Variants in RIN3 observed in about 807,000 individuals in gnomAD.
RIN3 encodes the protein RAB5 interacting protein 3.
Under a neutral mutation model 76.3 loss-of-function variants are expected in RIN3, and 54 were observed. The ratio of observed to expected loss-of-function variants is 0.71; its 90% confidence interval spans 0.57 to 0.89. The LOEUF (loss-of-function observed/expected upper bound fraction) is 0.89. Ranked by LOEUF, RIN3 falls within the 40% of genes least tolerant of loss-of-function variation. The pLI is 0.00. For synonymous variants in RIN3, 576 were observed against 564.0 expected, an observed-to-expected ratio of 1.02 and a Z score of -0.30; for missense variants, 1,256 against 1,322.1, an observed-to-expected ratio of 0.95 and a Z score of 0.78.
At position 92,545,206 on chromosome 14, in the gene RIN3, T is replaced by C. The variant is rs143639227; in HGVS notation, c.45-10545T>C. Among the ~76,000 whole-genome samples, 2,221 of 143,668 alleles carry C rather than the reference T, an allele frequency of 0.015. 95 individuals are homozygous for C. In the East Asian group the frequency reaches 0.18, roughly 12 times the overall value. The allele number at this position is 143,668 out of a possible 152,430, so 94.3% of individuals were successfully genotyped here. A position where few individuals can be genotyped will look rare whatever the true frequency, so the allele number is the denominator to read the frequency against. On this transcript the variant is annotated intron_variant, in intron 1 of 9. Coordinates refer to ENST00000216487, the MANE Select transcript of RIN3 (RefSeq NM_024832.5). ...CTCACTGCAAGCTCCGCCTCCCGGG[T>C]TCATGCCATTCTCCTGCCTCAGCCT...
chr14:92,653,087 G>A lies in RIN3; in HGVS notation c.2026+12G>A. 6.3e-7 allele frequency: 1 copy of A among 1,590,524 alleles called. No homozygotes were observed. Reference sequence around the variant, plus strand: ...CGAGGAGGAGCTCGGTCAGTGCCCTGGGAGGAGGTGGCAGGGAGGAGAGGG... The same window carrying A: ...CGAGGAGGAGCTCGGTCAGTGCCCTAGGAGGAGGTGGCAGGGAGGAGAGGG... On this transcript the variant is annotated intron_variant, in intron 6 of 9. Coordinates refer to ENST00000216487, the MANE Select transcript of RIN3 (RefSeq NM_024832.5).
chr14:92,621,894 G>A (rs905736080), intron 4 of RIN3, among the ~76,000 whole-genome samples: 3 of 152,154 alleles, frequency 2.0e-5, no homozygotes, highest in African/African-American at 7.2e-5. Flanking sequence ...CAAGCTTACT[G>A]GTTTTACTTT....
chr14:92,579,385 A>G (rs1898367204), intron 3 of RIN3, among the ~76,000 whole-genome samples: 1 of 152,264 alleles, frequency 6.6e-6, no homozygotes. Flanking sequence ...AGTTCAGCCT[A>G]TGCCCAGGAA....
At chr14:92,575,353 G>A (rs1022577257) in intron 2 of RIN3, among the ~76,000 whole-genome samples, 22 of 152,072 alleles carry the variant, frequency 1.4e-4, no homozygotes, top group Admixed American at 1.4e-3. Context: ...GAAGGTTCTT[G>A]GATCTGACAC....
intron 3 of RIN3, among the ~76,000 whole-genome samples, chr14:92,582,442 C>CTTTTTTT (rs35072092): frequency 1.7e-5 from 2 of 117,566 alleles, no homozygotes; most frequent in Non-Finnish European, 3.4e-5. Flanking sequence ...TCCTTTTTTA[C>CTTTTTTT]TTTTTTTTTT....
At position 92,571,927 on chromosome 14, in the gene RIN3, A is replaced by T. The variant is rs570546183; in HGVS notation, c.250-5433A>T. Among the ~76,000 whole-genome samples, 5 of 152,306 alleles carry T rather than the reference A, an allele frequency of 3.3e-5. No individual in the cohort carries two copies. In the South Asian group the frequency reaches 8.3e-4, roughly 25 times the overall value. ...GTCCAGATGGGTCTGCAGCATCCTC[A>T]GTTCTTGCCTCCTCAGAAGAAAGAA... On this transcript the variant is annotated intron_variant, in intron 2 of 9. Transcript: ENST00000216487.
rs1361831060 is a variant in RIN3 at position 92,656,693 on chromosome 14, G to A, written c.2027-2468G>A. Among the ~76,000 whole-genome samples the A allele has an allele frequency of 6.6e-6, 1 of 152,242 alleles. No homozygotes were observed. The highest frequency in any genetic ancestry group is 1.5e-5 in the Non-Finnish European group (1 of 68,048). ...TGTGGGGCAGAGAGGTTTCCAGGCAGTGAGAGGTGGCAGCTGAGCTGAGCC... is the reference window on the plus strand; with the variant it reads ...TGTGGGGCAGAGAGGTTTCCAGGCAATGAGAGGTGGCAGCTGAGCTGAGCC... On this transcript the variant is annotated intron_variant, in intron 6 of 9. Coordinates refer to ENST00000216487, the MANE Select transcript of RIN3 (RefSeq NM_024832.5). This position sits in a 1 kb window ranked among gnomAD's most constrained non-coding sequence, Gnocchi z 5.2.
intron 2 of RIN3, among the ~76,000 whole-genome samples, chr14:92,574,816 C>A (rs1566849332): frequency 6.6e-6 from 1 of 152,100 alleles, no homozygotes; most frequent in Non-Finnish European, 1.5e-5. Context: ...CTGGAAGGGC[C>A]ATACACTCAC....
At position 92,647,859 on chromosome 14, in the gene RIN3, A is replaced by G. The variant is rs558946783; in HGVS notation, c.533-3723A>G. Among the ~76,000 whole-genome samples, 5 of 152,292 alleles carry G rather than the reference A, an allele frequency of 3.3e-5. No homozygotes were observed. The East Asian group carries it at 7.7e-4, about 24-fold the overall frequency. ...CATCTGGCAAGAGGTGTCCCCAGCC[A>G]ACGCTCAACAGGCCTTGGGGCCAGC... is the stretch of plus-strand genomic sequence containing the variant. On this transcript the variant is annotated intron_variant, in intron 5 of 9. Coordinates refer to ENST00000216487, the MANE Select transcript of RIN3 (RefSeq NM_024832.5).
intron 3 of RIN3, among the ~76,000 whole-genome samples, chr14:92,604,250 T>C (rs1290324187): frequency 6.6e-6 from 1 of 152,068 alleles, no homozygotes; most frequent in African/African-American, 2.4e-5. Context: ...ACTCCCCAGC[T>C]GGGAACCAGT....
chr14:92,535,434 C>T (rs558872079), intron 1 of RIN3, among the ~76,000 whole-genome samples: 1 of 149,384 alleles, frequency 6.7e-6, no homozygotes, highest in Non-Finnish European at 1.5e-5. Context: ...CCCGGGCGAG[C>T]TTTCATTCTC....
chr14:92,556,267 T>C (rs910399642), intron 2 of RIN3, among the ~76,000 whole-genome samples: 8 of 152,042 alleles, frequency 5.3e-5, no homozygotes, highest in African/African-American at 1.7e-4. Flanking sequence ...AGGAGGACCA[T>C]GCTGGCCTGC....
At chr14:92,635,534 C>T (rs1026569054) in intron 4 of RIN3, among the ~76,000 whole-genome samples, 2 of 152,156 alleles carry the variant, frequency 1.3e-5, no homozygotes, top group African/African-American at 2.4e-5. Context: ...GGCAGACTCA[C>T]ATCTAGGAAT....
At chr14:92,558,255 G>A (rs1402162916) in intron 2 of RIN3, among the ~76,000 whole-genome samples, 3 of 152,118 alleles carry the variant, frequency 2.0e-5, no homozygotes, top group Non-Finnish European at 4.4e-5. Context: ...AGGCTGAGGT[G>A]GGAGAATTAC....
chr14:92,592,674 ATTATTATTATTATTATTG>A (rs1235270526), intron 3 of RIN3, among the ~76,000 whole-genome samples: 1 of 138,350 alleles, frequency 7.2e-6, no homozygotes, highest in African/African-American at 2.6e-5. Flanking sequence ...TATTATTATT[ATTATTATTATTATTATTG>A]TGAGACAGAG....
intron 1 of RIN3, among the ~76,000 whole-genome samples, chr14:92,528,613 G>A (rs1381464336): frequency 6.6e-6 from 1 of 152,168 alleles, no homozygotes; most frequent in Non-Finnish European, 1.5e-5. Flanking sequence ...TCTGGGAAAT[G>A]GGGGGCAGGT....
chr14:92,680,926 C>T (rs145981475), intron 8 of RIN3, among the ~76,000 whole-genome samples: 1,662 of 152,214 alleles, frequency 0.011, 34 homozygotes, highest in African/African-American at 0.039. Flanking sequence ...CTGGGACCCC[C>T]GCCCCCTTTC....
At chr14:92,560,700 G>A (rs1897737241) in intron 2 of RIN3, among the ~76,000 whole-genome samples, 1 of 152,068 alleles carries the variant, frequency 6.6e-6, no homozygotes, top group Admixed American at 6.6e-5. Context: ...CTGGCATCCA[G>A]GCGATGATGT....
intron 3 of RIN3, among the ~76,000 whole-genome samples, chr14:92,594,135 A>G (rs1227687620): frequency 1.3e-5 from 2 of 152,118 alleles, no homozygotes; most frequent in Non-Finnish European, 2.9e-5. Flanking sequence ...AAAAAAATTT[A>G]AAAGGCTTGC....
Sources: gnomAD v4.1 joint callset for allele counts (sites outside exome capture counted in the v4.1 genomes callset) on GRCh38, gnomAD v4.1.1 for gene constraint, Gnocchi (gnomAD v3.1) non-coding constraint, MANE v1.5 for transcripts, NCBI Gene and HGNC (gene_info 2026-07-23, HGNC 2026-07-21) for gene names.